TTLL5: variants seen among roughly 807,000 people sequenced by gnomAD.
TTLL5 encodes tubulin tyrosine ligase like 5.
In TTLL5, 132 loss-of-function variants were observed where a neutral mutation model predicts 168.4. That is an observed-to-expected ratio of 0.78 (90% CI 0.68 to 0.91). TTLL5 has a LOEUF of 0.91. Among genes scored for constraint, TTLL5 ranks in the 40% least tolerant of loss-of-function variants. The pLI is 0.00. For missense variants in TTLL5, 1,545 were observed against 1,581.5 expected, an observed-to-expected ratio of 0.98 and a Z score of 0.39; for synonymous variants, 546 against 558.6, an observed-to-expected ratio of 0.98 and a Z score of 0.32.
rs142111484 is a variant in TTLL5 at position 75,953,842 on chromosome 14, G to A, written c.3824-582G>A. 5.6e-3 allele frequency among the ~76,000 whole-genome samples: 857 copies of A among 152,188 alleles called. 14 individuals are homozygous for A. The highest frequency in any genetic ancestry group is 0.027 in the South Asian group (131 of 4,822). ...TTTAGCATTTTTTAATTTGAAAAGG[G>A]AAAGATAAAGTGTTTTTGTCCAAGA... On this transcript the variant is annotated intron_variant, in intron 31 of 31. Transcript: ENST00000298832.
chr14:75,877,768 C>A (rs1223177147), intron 29 of TTLL5, among the ~76,000 whole-genome samples: 1 of 152,200 alleles, frequency 6.6e-6, no homozygotes, highest in Non-Finnish European at 1.5e-5. Flanking sequence ...CAGGACAGAA[C>A]AATTCACATG....
At chr14:75,663,301 ATACTC>A in intron 2 of TTLL5, 78 bp downstream of exon 2, 1 of 1,338,630 alleles carries the variant, frequency 7.5e-7, no homozygotes, top group South Asian at 1.3e-5. Context: ...GTTTTACTAT[ATACTC>A]TTCTCTTTTA....
Position 75,707,051 on chromosome 14 carries a change from G to A in TTLL5, c.619G>A (p.Val207Ile), listed in dbSNP as rs1448422349. ...GATCTCCCTGGAAGAGAACATTTTGGTCTCCCGTTACATTAACAACCCCCT... is the reference window on the plus strand; with the variant it reads ...GATCTCCCTGGAAGAGAACATTTTGATCTCCCGTTACATTAACAACCCCCT... ...NQISLEENIL[V>I]SRYINNPLLI... The change falls in exon 8 of 32, where the codon GTC becomes ATC. Residue 207 changes from valine to isoleucine, a missense_variant. Transcript: ENST00000298832. The A allele has an allele frequency of 3.1e-6, 5 of 1,612,408 alleles. No homozygotes were observed. The highest frequency in any genetic ancestry group is 4.2e-6 in the Non-Finnish European group (5 of 1,179,132).
chr14:75,706,902 C>T (rs1886699114), intron 7 of TTLL5, 116 bp from the exon 8 acceptor site: 1 of 844,304 alleles, frequency 1.2e-6, no homozygotes, highest in East Asian at 2.7e-5. Context: ...AAACTTTAAC[C>T]AGAATTTTAG....
chr14:75,661,539 G>A (rs1360249040), intron 1 of TTLL5, 152 bp downstream of exon 1: 1 of 152,286 alleles, frequency 6.6e-6, no homozygotes, highest in African/African-American at 2.4e-5. Flanking sequence ...GGGTCGTCCC[G>A]TCCTTCCCGG....
intron 5 of TTLL5, chr14:75,689,351 C>G (rs1037019499): frequency 2.0e-5 from 3 of 152,162 alleles, no homozygotes; most frequent in Non-Finnish European, 2.9e-5. Flanking sequence ...ATTCCTGGCC[C>G]CAGAAACTAT....
chr14:75,690,204 T>C lies in TTLL5; in HGVS notation c.384T>C (p.Leu128=). 6.2e-7 allele frequency: 1 copy of C among 1,613,182 alleles called. No individual in the cohort carries two copies. Among genetic ancestry groups the C allele is most frequent in the Middle Eastern group, 1.7e-4 (1 of 6,054 alleles). ...TTTGATTTTTCAGGTCTTATGAACTTACCCGGAAGGACCGACTGTACAAAA... is the reference window on the plus strand; with the variant it reads ...TTTGATTTTTCAGGTCTTATGAACTCACCCGGAAGGACCGACTGTACAAAA... ...KVNHFPRSYE[L]TRKDRLYKNI... Residue 128 remains leucine, a synonymous_variant, in exon 6 of 32, where the codon CTT becomes CTC. Coordinates refer to ENST00000298832, the MANE Select transcript of TTLL5 (RefSeq NM_015072.5).
chr14:75,679,878 G>A (rs2140113893), intron 3 of TTLL5, among the ~76,000 whole-genome samples: 1 of 152,344 alleles, frequency 6.6e-6, no homozygotes, highest in East Asian at 1.9e-4. Flanking sequence ...AAAGGACGAA[G>A]TGATTGACAT....
chr14:75,951,187 A>G (rs2034950005), intron 31 of TTLL5, among the ~76,000 whole-genome samples: 1 of 151,600 alleles, frequency 6.6e-6, no homozygotes, highest in Non-Finnish European at 1.5e-5. Context: ...CTGCAAAAAA[A>G]TAGAGAAAAA....
Position 75,792,900 on chromosome 14 carries a change from T to C in TTLL5, c.2987-16T>C, listed in dbSNP as rs761255263. On this transcript the variant is annotated splice_polypyrimidine_tract_variant and intron_variant, in intron 26 of 31. Transcript: ENST00000298832. ...TTTTTTCCTAAATGAGTGAAAACTT[T>C]TCTCCGTTTTAGCAGGATCGTGCTA... is the stretch of plus-strand genomic sequence containing the variant. 1.2e-5 allele frequency: 19 copies of C among 1,528,106 alleles called. No individual in the cohort carries two copies. The highest frequency in any genetic ancestry group is 1.7e-5 in the Non-Finnish European group (19 of 1,131,066). 94.7% of individuals were successfully genotyped at this position (1,528,106 alleles called of 1,614,324 possible).
chr14:75,712,639 G>A (rs1335696863), intron 9 of TTLL5: 1 of 151,628 alleles, frequency 6.6e-6, no homozygotes, highest in Non-Finnish European at 1.5e-5. Context: ...TAAAGATCTT[G>A]GAGCAAGCAA....
intron 15 of TTLL5, among the ~76,000 whole-genome samples, chr14:75,739,088 A>G (rs949891799): frequency 3.6e-4 from 55 of 152,238 alleles, no homozygotes; most frequent in African/African-American, 1.2e-3. Flanking sequence ...GATTGCAGGC[A>G]TGAGCCACCA....
At chr14:75,904,979 C>G (rs1342633423) in intron 31 of TTLL5, among the ~76,000 whole-genome samples, 1 of 152,068 alleles carries the variant, frequency 6.6e-6, no homozygotes, top group African/African-American at 2.4e-5. Flanking sequence ...CCAGGCACAC[C>G]AACATTTGAA....
rs547553936 is a variant in TTLL5, at chr14:75,734,632, T to G, written c.1187-563T>G. On this transcript the variant is annotated intron_variant, in intron 14 of 31. Coordinates refer to ENST00000298832, the MANE Select transcript of TTLL5 (RefSeq NM_015072.5). ...CGAATGCTATAAAACTTAGCTACTC[T>G]ATTCTCCCTGGATGGGAATCTGCTT... Among the ~76,000 whole-genome samples the G allele has an allele frequency of 1.2e-4, 19 of 152,316 alleles. No homozygotes were observed. The South Asian group carries it at 3.7e-3, about 30-fold the overall frequency.
intron 28 of TTLL5, among the ~76,000 whole-genome samples, chr14:75,851,887 AG>A (rs1284801771): frequency 2.0e-5 from 3 of 152,202 alleles, no homozygotes; most frequent in South Asian, 4.1e-4. Context: ...CTTGTTGTTT[AG>A]TACCCTTATT....
At chr14:75,923,837 G>A (rs1347605752) in intron 31 of TTLL5, among the ~76,000 whole-genome samples, 1 of 152,196 alleles carries the variant, frequency 6.6e-6, no homozygotes, top group African/African-American at 2.4e-5. Flanking sequence ...TTGTGTGGGA[G>A]TCTAAGTCTC....
chr14:75,848,587 G>A (rs1054441898), intron 28 of TTLL5, among the ~76,000 whole-genome samples: 2 of 152,188 alleles, frequency 1.3e-5, no homozygotes, highest in Admixed American at 6.5e-5. Context: ...TTTCTTAAAG[G>A]TCATTCTTTG....
intron 4 of TTLL5, among the ~76,000 whole-genome samples, chr14:75,682,206 A>T (rs978271053): frequency 6.6e-6 from 1 of 150,978 alleles, no homozygotes; most frequent in African/African-American, 2.4e-5. Context: ...AAAAAAAAAA[A>T]CAAACCCAAA....
intron 27 of TTLL5, among the ~76,000 whole-genome samples, chr14:75,809,567 T>G (rs991824568): frequency 6.6e-6 from 1 of 152,230 alleles, no homozygotes; most frequent in African/African-American, 2.4e-5. Context: ...CTTTTCTTTG[T>G]GTTGGGAACA....
Sources: allele counts gnomAD v4.1 joint callset (sites outside exome capture counted in the v4.1 genomes callset), GRCh38; gene constraint gnomAD v4.1.1; transcripts MANE v1.5; gene names NCBI Gene and HGNC (gene_info 2026-07-23, HGNC 2026-07-21).